SCARA5: variants seen among roughly 807,000 people sequenced by gnomAD.
SCARA5 encodes the protein scavenger receptor class A, member 5 (putative).
A neutral mutation model predicts 46.3 loss-of-function variants in SCARA5; 45 were observed. The ratio of observed to expected loss-of-function variants is 0.97; its 90% CI spans 0.76 to 1.24. The LOEUF (loss-of-function observed/expected upper bound fraction) is 1.24, where lower values mean the gene tolerates loss of function less well. SCARA5 is among the 50% of genes most tolerant of loss of function. The pLI is 0.00. For missense variants in SCARA5, 680 were observed against 689.0 expected (o/e 0.99, Z 0.15); for synonymous variants, 333 against 306.5 (o/e 1.09, Z -0.90).
intron 8 of SCARA5, among the ~76,000 whole-genome samples, chr8:27,873,318 T>C (rs1329753452): frequency 6.6e-6 from 1 of 152,154 alleles, no homozygotes; most frequent in Non-Finnish European, 1.5e-5. Flanking sequence ...AACACTATTT[T>C]ATGTTATTTT....
At chr8:27,988,123 C>T (rs1308036835) in intron 1 of SCARA5, among the ~76,000 whole-genome samples, 20 of 152,172 alleles carry the variant, frequency 1.3e-4, no homozygotes, top group Non-Finnish European at 1.5e-5. Flanking sequence ...GGTACAGAGT[C>T]CACTTGCAAA....
At chr8:27,950,581 C>A (rs1342162724) in intron 3 of SCARA5, among the ~76,000 whole-genome samples, 1 of 152,134 alleles carries the variant, frequency 6.6e-6, no homozygotes, top group African/African-American at 2.4e-5. Flanking sequence ...GTCCCAGGTC[C>A]CCAGAGCATG....
intron 2 of SCARA5, among the ~76,000 whole-genome samples, chr8:27,972,305 A>T (rs1052747652): frequency 1.3e-5 from 2 of 151,992 alleles, no homozygotes; most frequent in African/African-American, 4.8e-5. Context: ...CGACAAAGTG[A>T]GACTCTGTCT....
chr8:27,902,553 C>T (rs958961642), intron 7 of SCARA5, among the ~76,000 whole-genome samples: 2 of 152,222 alleles, frequency 1.3e-5, no homozygotes, highest in Non-Finnish European at 2.9e-5. Context: ...CCAGAGAATT[C>T]CCAACAAGAG....
At chr8:27,876,428 G>A (rs1207374288) in intron 8 of SCARA5, among the ~76,000 whole-genome samples, 2 of 152,280 alleles carry the variant, frequency 1.3e-5, no homozygotes, top group African/African-American at 2.4e-5. Flanking sequence ...AACACTGGTG[G>A]GATCTGCAGG....
chr8:27,989,394 C>T (rs1808754582), intron 1 of SCARA5, among the ~76,000 whole-genome samples: 1 of 152,122 alleles, frequency 6.6e-6, no homozygotes, highest in Non-Finnish European at 1.5e-5. Context: ...TCCCAAAGTG[C>T]TGAGATTACA....
rs765676173 is a variant in SCARA5, at chr8:27,922,026, C to T, written c.461G>A (p.Trp154Ter). The T allele has an allele frequency of 4.4e-6, 7 of 1,574,652 alleles. No individual in the cohort carries two copies. In the South Asian group the frequency reaches 5.8e-5, roughly 13 times the overall value. Residue 154 changes from tryptophan (W) to a stop codon, truncating the protein, a stop_gained, in exon 4 of 9, where the codon TGG (tryptophan) becomes TAG (stop). Transcript: ENST00000354914. LOFTEE classifies it high-confidence loss of function. The part of the protein sequence containing the change: ...GAVQRLEGAL[W>*]GLQAQAVQTE... ...CTGCACCGCCTGCGCCTGCAGCCCC[C>T]ACAGCGCGCCCTCCAGCCGCTGCAC...
chr8:27,976,853 C>G (rs910781010), intron 2 of SCARA5, among the ~76,000 whole-genome samples: 1 of 152,228 alleles, frequency 6.6e-6, no homozygotes, highest in East Asian at 1.9e-4. Context: ...GGGTGCTCCT[C>G]GAAAAACTCC....
Position 27,871,876 on chromosome 8 carries a change from C to A in SCARA5, c.*58G>T, listed in dbSNP as rs1218893114. ...AGGGTGGCCCCGAGCTGTGCCCCAC[C>A]CCAGGGATGCAGGAAGGGTGCTCTG... On this transcript the variant is annotated 3_prime_UTR_variant, in exon 9 of 9. Transcript: ENST00000354914. The A allele has an allele frequency of 3.1e-6, 5 of 1,610,214 alleles. No homozygotes were observed. The highest frequency in any genetic ancestry group is 4.2e-6 in the Non-Finnish European group (5 of 1,178,396).
chr8:27,980,851 T>C (rs1442438918), intron 2 of SCARA5, among the ~76,000 whole-genome samples: 3 of 152,128 alleles, frequency 2.0e-5, no homozygotes, highest in African/African-American at 4.8e-5. Context: ...CTAGGCCTCA[T>C]GAGAATCCCA....
At chr8:27,914,133 T>C (rs921759534) in intron 4 of SCARA5, among the ~76,000 whole-genome samples, 8 of 152,206 alleles carry the variant, frequency 5.3e-5, no homozygotes, top group African/African-American at 1.9e-4. Context: ...CTGATGGTTT[T>C]ATAAAGGGGA....
intron 2 of SCARA5, among the ~76,000 whole-genome samples, chr8:27,976,203 G>C (rs1563200359): frequency 6.6e-6 from 1 of 152,164 alleles, no homozygotes; most frequent in Non-Finnish European, 1.5e-5. Flanking sequence ...AGCCATGCGG[G>C]AGAGAGCCTG....
chr8:27,899,546 G>T (rs573597301), intron 7 of SCARA5, among the ~76,000 whole-genome samples: 4 of 152,280 alleles, frequency 2.6e-5, no homozygotes, highest in African/African-American at 9.6e-5. Flanking sequence ...TGTCTACCAC[G>T]CACGAGGCAT....
chr8:27,927,315 C>T (rs1244722856), intron 3 of SCARA5, among the ~76,000 whole-genome samples: 1 of 152,168 alleles, frequency 6.6e-6, no homozygotes, highest in Non-Finnish European at 1.5e-5. Flanking sequence ...GACAATCATC[C>T]ACCCCTTCCC....
At chr8:27,975,866 C>A (rs899287947) in intron 2 of SCARA5, among the ~76,000 whole-genome samples, 1 of 152,126 alleles carries the variant, frequency 6.6e-6, no homozygotes, top group Non-Finnish European at 1.5e-5. Context: ...ACACCCACTT[C>A]TAAGTACAGG....
intron 4 of SCARA5, among the ~76,000 whole-genome samples, chr8:27,912,170 C>G (rs35857051): frequency 6.6e-6 from 1 of 151,998 alleles, no homozygotes; most frequent in African/African-American, 2.4e-5. Context: ...CCCAGGAAAT[C>G]GAAACACACA....
At chr8:27,956,310 A>G (rs1808205544) in intron 3 of SCARA5, among the ~76,000 whole-genome samples, 1 of 152,206 alleles carries the variant, frequency 6.6e-6, no homozygotes, top group African/African-American at 2.4e-5. Context: ...ATATATATGC[A>G]TATATAAAAG....
chr8:27,985,855 C>T (rs974169558), intron 2 of SCARA5, among the ~76,000 whole-genome samples: 2 of 152,214 alleles, frequency 1.3e-5, no homozygotes, highest in Non-Finnish European at 2.9e-5. Flanking sequence ...AGAGGAGGGG[C>T]CCAGAAGGCG....
intron 8 of SCARA5, among the ~76,000 whole-genome samples, chr8:27,878,119 T>C (rs1168718783): frequency 6.6e-6 from 1 of 152,184 alleles, no homozygotes; most frequent in Non-Finnish European, 1.5e-5. Flanking sequence ...CTGCCGTCAG[T>C]GGGCTGCCAT....
Sources: allele counts gnomAD v4.1 joint callset (sites outside exome capture counted in the v4.1 genomes callset), GRCh38; gene constraint gnomAD v4.1.1; transcripts MANE v1.5; gene names NCBI Gene and HGNC (gene_info 2026-07-23, HGNC 2026-07-21).